The following MKLN1 variants were observed in gnomAD, a reference collection of about 807,000 sequenced individuals.
MKLN1 encodes muskelin.
In MKLN1, 18 loss-of-function variants were observed where a neutral mutation model predicts 99.0. The observed-to-expected ratio is 0.18, with a 90% CI of 0.13 to 0.27. The LOEUF is 0.27. MKLN1 is among the 10% of genes least tolerant of loss of function. MKLN1 has a pLI of 1.00. For synonymous variants in MKLN1, 288 were observed against 293.2 expected, an observed-to-expected ratio of 0.98 and a Z score of 0.18; for missense variants, 621 against 875.9, an observed-to-expected ratio of 0.71 and a Z score of 3.67.
intron 1 of MKLN1, among the ~76,000 whole-genome samples, chr7:131,110,822 C>G (rs1020354809): frequency 6.6e-6 from 1 of 152,220 alleles, no homozygotes; most frequent in African/African-American, 2.4e-5. Flanking sequence ...TGCAGCCAGC[C>G]TCCTCACCAC....
intron 3 of MKLN1, among the ~76,000 whole-genome samples, chr7:131,227,489 T>TTCCTTC (rs1563259288): frequency 1.5e-5 from 2 of 130,912 alleles, no homozygotes; most frequent in Non-Finnish European, 1.6e-5. Context: ...CTTTCTCTCT[T>TTCCTTC]TCTTTCTCTT....
chr7:131,490,183 G>A lies in MKLN1; in HGVS notation c.*2455G>A, dbSNP rs1356579455. On this transcript the variant is annotated 3_prime_UTR_variant, in exon 18 of 18. Coordinates refer to ENST00000352689, the MANE Select transcript of MKLN1 (RefSeq NM_013255.5). ...ATCGAATTTGGTATTTAGGTACATT[G>A]TTTATATAGCCAAGTGTATATGCTT... 1 of 152,536 alleles carries A rather than the reference G, an allele frequency of 6.6e-6. No homozygotes were observed. Among genetic ancestry groups the A allele is most frequent in the Non-Finnish European group, 1.5e-5 (1 of 67,996 alleles). 9.4% of individuals were successfully genotyped at this position (152,536 alleles called of 1,614,324 possible).
In MKLN1 at chr7:131,148,600, C is replaced by T. The variant is rs1795847061; in HGVS notation, c.-297+5659C>T. Reference sequence around the variant, plus strand: ...GACCAGCCTGGGCAACATAGCGAGACCCTGTCTCTAAAAAAATTTAGAATT... The same window carrying T: ...GACCAGCCTGGGCAACATAGCGAGATCCTGTCTCTAAAAAAATTTAGAATT... On this transcript the variant is annotated intron_variant, in intron 2 of 7. Coordinates refer to the MKLN1 transcript ENST00000416992. 2.0e-5 allele frequency among the ~76,000 whole-genome samples: 3 copies of T among 151,966 alleles called. No homozygotes were observed. In the South Asian group the frequency reaches 6.2e-4, roughly 32 times the overall value.
At chr7:131,178,252 G>C (rs927822210) in intron 2 of MKLN1, among the ~76,000 whole-genome samples, 1 of 145,110 alleles carries the variant, frequency 6.9e-6, no homozygotes, top group Non-Finnish European at 1.5e-5. Flanking sequence ...GAGTAGCTGC[G>C]ATTACAGGCG....
chr7:131,231,119 CAAAAAA>C (rs58048470), intron 3 of MKLN1, among the ~76,000 whole-genome samples: 1 of 60,368 alleles, frequency 1.7e-5, no homozygotes, highest in African/African-American at 7.2e-5. Flanking sequence ...GACTCTGTCT[CAAAAAA>C]AAAAAAAAAA....
chr7:131,286,519 A>T (rs960210328), intron 3 of MKLN1, among the ~76,000 whole-genome samples: 1 of 152,170 alleles, frequency 6.6e-6, no homozygotes, highest in African/African-American at 2.4e-5. Context: ...GGTACAAAAA[A>T]TTGTTTCCAG....
intron 16 of MKLN1, 171 bp downstream of exon 16, chr7:131,471,115 T>G: frequency 1.9e-6 from 1 of 526,122 alleles, no homozygotes; most frequent in Non-Finnish European, 3.3e-6. Context: ...AATAGGCATG[T>G]TTTCGTGTGA....
intron 1 of MKLN1, among the ~76,000 whole-genome samples, chr7:131,337,292 T>C (rs957980299): frequency 6.6e-6 from 1 of 152,160 alleles, no homozygotes; most frequent in Non-Finnish European, 1.5e-5. Flanking sequence ...TTTAAAAATA[T>C]TGTTTCTGCC....
chr7:131,475,283 T>G (rs1796933413), intron 16 of MKLN1, among the ~76,000 whole-genome samples: 1 of 152,144 alleles, frequency 6.6e-6, no homozygotes, highest in East Asian at 1.9e-4. Context: ...AGACACAGTT[T>G]ACCAAAACTG....
intron 4 of MKLN1, among the ~76,000 whole-genome samples, chr7:131,390,734 T>C (rs993810267): frequency 2.6e-5 from 4 of 152,154 alleles, no homozygotes; most frequent in African/African-American, 7.2e-5. Flanking sequence ...GTTATTACTA[T>C]AGTCACCATG....
chr7:131,316,193 T>C (rs1017328291), intron 3 of MKLN1, among the ~76,000 whole-genome samples: 1 of 152,082 alleles, frequency 6.6e-6, no homozygotes, highest in Non-Finnish European at 1.5e-5. Flanking sequence ...AGACACCTCA[T>C]ATAGGAGAGC....
intron 3 of MKLN1, among the ~76,000 whole-genome samples, chr7:131,316,378 A>C (rs751097880): frequency 6.6e-6 from 1 of 152,360 alleles, no homozygotes; most frequent in East Asian, 1.9e-4. Context: ...TGTTAGAAGA[A>C]AAACTAACAA....
At chr7:131,354,527 A>C (rs1192717320) in intron 1 of MKLN1, among the ~76,000 whole-genome samples, 1 of 151,166 alleles carries the variant, frequency 6.6e-6, no homozygotes, top group African/African-American at 2.4e-5. Context: ...GGGGGGGCGT[A>C]AATCTTGTGG....
At chr7:131,313,986 C>A (rs1196520765) in intron 3 of MKLN1, among the ~76,000 whole-genome samples, 2 of 152,174 alleles carry the variant, frequency 1.3e-5, no homozygotes, top group African/African-American at 4.8e-5. Flanking sequence ...TGGTGTACTT[C>A]AATACAAAAA....
rs1584795311 is a variant in MKLN1, at chr7:131,490,917, C to T, written c.*3189C>T. The T allele has an allele frequency of 6.6e-6, 1 of 152,380 alleles. No homozygotes were observed. Among genetic ancestry groups the T allele is most frequent in the East Asian group, 1.9e-4 (1 of 5,170 alleles). 9.4% of individuals were successfully genotyped at this position (152,380 alleles called of 1,614,324 possible). A position where few individuals can be genotyped will look rare whatever the true frequency, so the allele number is the denominator to read the frequency against. ...ATAAACAAAAACTAGTTTGAGGCAC[C>T]CAAGCATTTAGTGAGAGATTGAGAA... is the stretch of plus-strand genomic sequence containing the variant. On this transcript the variant is annotated 3_prime_UTR_variant, in exon 18 of 18. Coordinates refer to ENST00000352689, the MANE Select transcript of MKLN1 (RefSeq NM_013255.5).
At chr7:131,326,529 G>C (rs1171174399), upstream of MKLN1, among the ~76,000 whole-genome samples, 1 of 152,096 alleles carries the variant, frequency 6.6e-6, no homozygotes, top group African/African-American at 2.4e-5. Flanking sequence ...ATTTTTAGTA[G>C]AGACGGGGTT....
chr7:131,206,530 G>GTGTAAT (rs754090884), intron 3 of MKLN1, among the ~76,000 whole-genome samples: 5,086 of 144,702 alleles, frequency 0.035, 188 homozygotes, highest in African/African-American at 0.077. Context: ...GTATGTATGT[G>GTGTAAT]TATAATTATT....
intron 1 of MKLN1, among the ~76,000 whole-genome samples, chr7:131,330,214 A>C (rs1055134991): frequency 2.0e-5 from 3 of 152,226 alleles, no homozygotes; most frequent in African/African-American, 4.8e-5. Flanking sequence ...CCCCTCTAGC[A>C]GCAATTGTTG....
intron 2 of MKLN1, among the ~76,000 whole-genome samples, chr7:131,144,986 C>T (rs894668564): frequency 6.6e-6 from 1 of 151,558 alleles, no homozygotes; most frequent in African/African-American, 2.4e-5. Flanking sequence ...CCCCAACCAG[C>T]AACAACAACC....
Sources: allele counts gnomAD v4.1 joint callset (sites outside exome capture counted in the v4.1 genomes callset), GRCh38; gene constraint gnomAD v4.1.1; transcripts MANE v1.5; gene names NCBI Gene and HGNC (gene_info 2026-07-23, HGNC 2026-07-21).